The following IL18RAP variants were observed in gnomAD, a reference collection of about 807,000 sequenced individuals.
The protein encoded by IL18RAP is interleukin 18 receptor accessory protein, also known as interleukin-18 receptor accessory protein.
In IL18RAP, 37 loss-of-function variants were observed where a neutral mutation model predicts 58.1. That is an observed-to-expected ratio of 0.64 (90% CI 0.49 to 0.84). The LOEUF (loss-of-function observed/expected upper bound fraction) is 0.84, where lower values mean the gene tolerates loss of function less well. Among genes scored for constraint, IL18RAP ranks in the 40% least tolerant of loss-of-function variants. The probability of loss-of-function intolerance (pLI) is 0.00; values close to 1 mark genes in which losing one functional copy is unlikely to be tolerated. For missense variants in IL18RAP, 667 were observed against 704.8 expected, an observed-to-expected ratio of 0.95 and a Z score of 0.61; for synonymous variants, 268 against 257.5, an observed-to-expected ratio of 1.04 and a Z score of -0.39.
intron 4 of IL18RAP, among the ~76,000 whole-genome samples, 156 bp from the exon 5 acceptor site, chr2:102,441,156 A>G (rs193135862): frequency 8.5e-5 from 13 of 152,352 alleles, no homozygotes; most frequent in African/African-American, 2.6e-4. Context: ...AGCTTTTTAC[A>G]TGGAAACCGG....
chr2:102,450,960 T>C lies in IL18RAP; in HGVS notation c.1323T>C (p.Val441=), dbSNP rs1683726493. 2.5e-6 allele frequency: 4 copies of C among 1,611,708 alleles called. No homozygotes were observed. The highest frequency in any genetic ancestry group is 1.7e-5 in the Admixed American group (1 of 59,718). ...TGGCCCTGAGCCTATTTCCTGATGT[T>C]TTAGAAAACAAATATGGATATAGCC... ...EHLALSLFPD[V]LENKYGYSLC... is the part of the protein sequence containing the mutation. The change falls in exon 9 of 10, where the codon GTT becomes GTC. Residue 441 remains valine (V), a synonymous_variant. Transcript: ENST00000687160.
At chr2:102,440,844 A>T (rs1683061062) in intron 4 of IL18RAP, among the ~76,000 whole-genome samples, 1 of 152,190 alleles carries the variant, frequency 6.6e-6, no homozygotes, top group South Asian at 2.1e-4. Context: ...TTGATGGATA[A>T]AATTGTTAAT....
chr2:102,419,600 A>G (rs77968144), upstream of IL18RAP: 456 of 152,408 alleles, frequency 3.0e-3, 3 homozygotes, highest in African/African-American at 0.01. Flanking sequence ...TGAAAGGGAA[A>G]TCTTCATCCT....
chr2:102,439,411 G>C (rs1047379445), intron 4 of IL18RAP: 1 of 152,710 alleles, frequency 6.5e-6, no homozygotes, highest in Non-Finnish European at 1.5e-5. Flanking sequence ...GAGCAAGGAA[G>C]AGGGAAAGCA....
At chr2:102,451,508 C>T (rs1408850990) in intron 9 of IL18RAP, among the ~76,000 whole-genome samples, 1 of 152,232 alleles carries the variant, frequency 6.6e-6, no homozygotes, top group Non-Finnish European at 1.5e-5. Flanking sequence ...TCCCATTATC[C>T]CAGCTTACCT....
intron 3 of IL18RAP, among the ~76,000 whole-genome samples, chr2:102,427,076 G>C (rs756062294): frequency 2.0e-5 from 3 of 152,100 alleles, no homozygotes; most frequent in Non-Finnish European, 2.9e-5. Context: ...TCTCCCACAT[G>C]ATTGAATTTC....
At chr2:102,424,195 A>C in intron 2 of IL18RAP, 36 bp from the exon 3 acceptor site, 2 of 1,609,978 alleles carry the variant, frequency 1.2e-6, no homozygotes, top group Non-Finnish European at 1.7e-6. Flanking sequence ...ATCTAGACAA[A>C]ATATCTATGT....
Position 102,447,014 on chromosome 2 carries a change from G to C in IL18RAP, c.1073-56G>C, listed in dbSNP as rs545136325. The C allele has an allele frequency of 1.6e-4, 258 of 1,583,720 alleles. No individual in the cohort carries two copies. The African/African-American group carries it at 3.3e-3, about 20-fold the overall frequency. On this transcript the variant is annotated intron_variant, in intron 7 of 9. Transcript: ENST00000687160. ...GGGCCATAGCGCCGGCCTGAACATG[G>C]TCTTGGTCCAATCCCGCTGCCTCTA... is the stretch of plus-strand genomic sequence containing the variant.
At chr2:102,447,286 A>C in intron 8 of IL18RAP, 79 bp downstream of exon 8, 1 of 1,484,300 alleles carries the variant, frequency 6.7e-7, no homozygotes, top group Non-Finnish European at 9.2e-7. Context: ...AAATACCATC[A>C]CTACCCCTTG....
intron 3 of IL18RAP, among the ~76,000 whole-genome samples, chr2:102,428,875 C>T (rs1026751054): frequency 6.6e-6 from 1 of 151,784 alleles, no homozygotes; most frequent in African/African-American, 2.4e-5. Flanking sequence ...GGTACAGTCC[C>T]TCTATACTTA....
chr2:102,432,995 A>C (rs1364295578), intron 3 of IL18RAP, among the ~76,000 whole-genome samples: 4 of 152,130 alleles, frequency 2.6e-5, no homozygotes, highest in Admixed American at 6.5e-5. Context: ...AATCCTTGAC[A>C]CAAGTCAAAA....
In IL18RAP at chr2:102,435,860, G is replaced by A. The variant is rs983575181; in HGVS notation, c.580-1352G>A. 3.4e-5 allele frequency among the ~76,000 whole-genome samples: 3 copies of A among 89,354 alleles called. No individual in the cohort carries two copies. In the East Asian group the frequency reaches 9.5e-4, roughly 28 times the overall value. 58.6% of individuals were successfully genotyped at this position (89,354 alleles called of 152,430 possible). ...GTGTCTTCATTTTTTTTTTTTTTTT[G>A]CATGCCTCCACTCTTTTGAAGACTT... is the stretch of plus-strand genomic sequence containing the variant. On this transcript the variant is annotated intron_variant, in intron 3 of 9. Coordinates refer to ENST00000687160, the MANE Select transcript of IL18RAP (RefSeq NM_001393487.1).
chr2:102,450,408 T>C (rs1683691384), intron 8 of IL18RAP, among the ~76,000 whole-genome samples: 1 of 152,162 alleles, frequency 6.6e-6, no homozygotes, highest in Non-Finnish European at 1.5e-5. Flanking sequence ...ATATGGGCCA[T>C]CAACTCTCCG....
intron 9 of IL18RAP, among the ~76,000 whole-genome samples, chr2:102,451,376 C>A (rs765142556): frequency 6.0e-4 from 92 of 152,352 alleles, no homozygotes; most frequent in Non-Finnish European, 1.1e-3. Context: ...AGCACTGGGT[C>A]AAGCAGGCTT....
chr2:102,434,555 C>A (rs564478160), intron 3 of IL18RAP: 1 of 152,080 alleles, frequency 6.6e-6, no homozygotes, highest in South Asian at 2.1e-4. Context: ...AAACTACGGG[C>A]GAGGCTAACA....
chr2:102,421,673 C>T (rs1396768564), upstream of IL18RAP, among the ~76,000 whole-genome samples: 6 of 152,170 alleles, frequency 3.9e-5, no homozygotes, highest in South Asian at 4.1e-4. Context: ...TTCTGCAAGG[C>T]GCATTGCACA....
chr2:102,430,412 C>G (rs1558637245), intron 3 of IL18RAP, among the ~76,000 whole-genome samples: 2 of 151,880 alleles, frequency 1.3e-5, no homozygotes, highest in Non-Finnish European at 2.9e-5. Context: ...TATGGAATAT[C>G]TTTGTCCGTT....
At chr2:102,435,849 T>A (rs910254780) in intron 3 of IL18RAP, among the ~76,000 whole-genome samples, 1 of 152,020 alleles carries the variant, frequency 6.6e-6, no homozygotes, top group Non-Finnish European at 1.5e-5. Flanking sequence ...CTTCATTTTT[T>A]TTTTTTTTTT....
At chr2:102,430,273 C>G (rs948657772) in intron 3 of IL18RAP, among the ~76,000 whole-genome samples, 2 of 151,884 alleles carry the variant, frequency 1.3e-5, no homozygotes, top group Non-Finnish European at 2.9e-5. Context: ...ATTGTTATAT[C>G]CTCTTAGTGA....
Sources: gnomAD v4.1 joint callset for allele counts (sites outside exome capture counted in the v4.1 genomes callset) on GRCh38, gnomAD v4.1.1 for gene constraint, MANE v1.5 for transcripts, NCBI Gene and HGNC (gene_info 2026-07-23, HGNC 2026-07-21) for gene names.